Variants in ZRANB3 observed in about 807,000 individuals in gnomAD.
ZRANB3 encodes the protein zinc finger RANBP2-type containing 3.
In ZRANB3, 125 loss-of-function variants were observed where a neutral mutation model predicts 133.8. That is an observed-to-expected ratio of 0.93 (90% CI 0.81 to 1.08). The LOEUF is 1.08. ZRANB3 is among the 50% of genes least tolerant of loss of function. ZRANB3 has a pLI of 0.00. For missense variants in ZRANB3, 1,229 were observed against 1,275.5 expected (o/e 0.96, Z 0.56); for synonymous variants, 387 against 432.7 (o/e 0.89, Z 1.31).
chr2:135,369,943 C>T (rs868631963), intron 3 of ZRANB3, among the ~76,000 whole-genome samples: 1 of 151,974 alleles, frequency 6.6e-6, no homozygotes, highest in Non-Finnish European at 1.5e-5. Context: ...AACTTCACTT[C>T]CAATATTTCC....
intron 1 of ZRANB3, among the ~76,000 whole-genome samples, chr2:135,525,616 G>A (rs1010662140): frequency 2.0e-5 from 3 of 152,220 alleles, no homozygotes; most frequent in African/African-American, 7.2e-5. Context: ...GGGAGGCTGA[G>A]GCGGGCGGAT....
intron 2 of ZRANB3, among the ~76,000 whole-genome samples, chr2:135,470,146 G>A (rs1012859060): frequency 1.5e-4 from 22 of 142,280 alleles, no homozygotes; most frequent in South Asian, 2.6e-4. Context: ...CAAACATGGC[G>A]AAACCCCATC....
At chr2:135,455,363 T>C (rs1395631853) in intron 2 of ZRANB3, among the ~76,000 whole-genome samples, 2 of 151,404 alleles carry the variant, frequency 1.3e-5, no homozygotes, top group East Asian at 3.9e-4. Context: ...TAATTTTGTA[T>C]TTTTACTAGA....
intron 2 of ZRANB3, among the ~76,000 whole-genome samples, chr2:135,437,689 A>G (rs1336102295): frequency 6.6e-6 from 1 of 152,222 alleles, no homozygotes; most frequent in African/African-American, 2.4e-5. Flanking sequence ...TTTTTCATAC[A>G]AAATAACCAC....
chr2:135,274,934 G>A (rs1392983538), intron 9 of ZRANB3, among the ~76,000 whole-genome samples: 1 of 152,168 alleles, frequency 6.6e-6, no homozygotes, highest in Non-Finnish European at 1.5e-5. Flanking sequence ...GAGAGCACGG[G>A]GTTGGGGGTA....
intron 6 of ZRANB3, among the ~76,000 whole-genome samples, chr2:135,323,911 G>A (rs1481733054): frequency 6.6e-6 from 1 of 151,892 alleles, no homozygotes; most frequent in Non-Finnish European, 1.5e-5. Context: ...GAGATTACAG[G>A]CATGCAACAG....
At chr2:135,509,703 G>A (rs1693354757) in intron 1 of ZRANB3, among the ~76,000 whole-genome samples, 1 of 152,026 alleles carries the variant, frequency 6.6e-6, no homozygotes, top group Non-Finnish European at 1.5e-5. Context: ...TTCAAGAAAA[G>A]CCCATCCAGT....
intron 2 of ZRANB3, among the ~76,000 whole-genome samples, chr2:135,479,965 GCT>G (rs1163202682): frequency 4.7e-5 from 7 of 150,098 alleles, no homozygotes; most frequent in Admixed American, 3.3e-4. Context: ...TGAGACGGAT[GCT>G]CTGTCACCCA....
chr2:135,291,903 T>C (rs995009632), intron 8 of ZRANB3, among the ~76,000 whole-genome samples: 3 of 152,184 alleles, frequency 2.0e-5, no homozygotes, highest in Non-Finnish European at 4.4e-5. Flanking sequence ...GCTTCATCCA[T>C]GTCCCTACAA....
intron 6 of ZRANB3, among the ~76,000 whole-genome samples, chr2:135,330,038 C>A (rs1245895685): frequency 6.6e-6 from 1 of 152,122 alleles, no homozygotes; most frequent in African/African-American, 2.4e-5. Context: ...TAACTGAATA[C>A]CCTTTATTTC....
intron 12 of ZRANB3, among the ~76,000 whole-genome samples, chr2:135,265,298 T>C (rs1680177003): frequency 6.6e-6 from 1 of 152,186 alleles, no homozygotes; most frequent in Non-Finnish European, 1.5e-5. Context: ...TAGCCTCCTA[T>C]ATTTTCTTTT....
chr2:135,300,213 C>G (rs1682362007), intron 8 of ZRANB3, among the ~76,000 whole-genome samples: 1 of 152,074 alleles, frequency 6.6e-6, no homozygotes, highest in Admixed American at 6.6e-5. Context: ...AAACTAAACA[C>G]CACAAATAAT....
Position 135,272,414 on chromosome 2 carries a change from CT to C in ZRANB3, c.1087-528del, listed in dbSNP as rs112209442. Reference sequence around the variant, plus strand: ...CCAAATATTAACTGGGAAAATAGAGCTTTTTTTTTTTTTTTTTTGTGACGGA... The same window carrying C: ...CCAAATATTAACTGGGAAAATAGAGCTTTTTTTTTTTTTTTTTGTGACGGA... On this transcript the variant is annotated intron_variant, in intron 9 of 20. Transcript: ENST00000264159. Among the ~76,000 whole-genome samples, 429 of 107,730 alleles carry C rather than the reference CT, an allele frequency of 4.0e-3. 12 individuals are homozygous for C. The highest frequency in any genetic ancestry group is 0.011 in the East Asian group (38 of 3,560). 70.7% of individuals were successfully genotyped at this position (107,730 alleles called of 152,430 possible). A position where few individuals can be genotyped will look rare whatever the true frequency, so the allele number is the denominator to read the frequency against.
intron 2 of ZRANB3, among the ~76,000 whole-genome samples, chr2:135,445,970 T>C (rs902591826): frequency 3.3e-5 from 5 of 150,520 alleles, no homozygotes; most frequent in African/African-American, 1.2e-4. Context: ...TTTGGGAGGC[T>C]GAGGCGGGTG....
chr2:135,230,614 GGGGTGGTT>G lies in ZRANB3; in HGVS notation c.1845_1852del (p.Leu615PhefsTer11), dbSNP rs1340271482. ...TTGCCAGCCCTCTACAGGAAAGGCT[GGGGTGGTT>G]AACTGGGCCTTGGCCTCCTGTACAC... On this transcript the variant is annotated frameshift_variant, in exon 13 of 21. Transcript: ENST00000264159. LOFTEE classifies it high-confidence loss of function. The G allele has an allele frequency of 3.1e-6, 5 of 1,613,062 alleles. No individual in the cohort carries two copies. In the African/African-American group the frequency reaches 5.3e-5, roughly 17 times the overall value.
chr2:135,332,828 TTC>T (rs937783731), intron 6 of ZRANB3, among the ~76,000 whole-genome samples: 5 of 152,234 alleles, frequency 3.3e-5, no homozygotes, highest in African/African-American at 1.2e-4. Context: ...ATTATATTTT[TTC>T]TGTCTTCACA....
At chr2:135,409,283 C>A (rs757925502) in intron 2 of ZRANB3, among the ~76,000 whole-genome samples, 3 of 152,110 alleles carry the variant, frequency 2.0e-5, no homozygotes, top group Admixed American at 2.0e-4. Context: ...CAAACATCTC[C>A]CACCAGGCCT....
At chr2:135,373,600 C>T (rs1573993794) in intron 3 of ZRANB3, among the ~76,000 whole-genome samples, 1 of 151,846 alleles carries the variant, frequency 6.6e-6, no homozygotes, top group African/African-American at 2.4e-5. Flanking sequence ...CAAGCCTGGC[C>T]AACATGGCAA....
chr2:135,350,166 C>A lies in ZRANB3; in HGVS notation c.409G>T (p.Ala137Ser). 1.2e-6 allele frequency: 2 copies of A among 1,609,994 alleles called. No homozygotes were observed. Among genetic ancestry groups the A allele is most frequent in the Non-Finnish European group, 8.5e-7 (1 of 1,178,004 alleles). ...GCATCTATCAAAGTCTTTGCATCTGCGGTTAAGAGACCATAACCCAGAACT... is the reference window on the plus strand; with the variant it reads ...GCATCTATCAAAGTCTTTGCATCTGAGGTTAAGAGACCATAACCCAGAACT... ...VTVLGYGLLTADAKTLIDALN... is the reference protein window; with the variant it reads ...VTVLGYGLLTSDAKTLIDALN... The change falls in exon 5 of 21, where the codon GCA (alanine) becomes TCA (serine). Residue 137 changes from alanine to serine, a missense_variant. Coordinates refer to ENST00000264159, the MANE Select transcript of ZRANB3 (RefSeq NM_032143.4).
Sources: allele counts gnomAD v4.1 joint callset (sites outside exome capture counted in the v4.1 genomes callset), GRCh38; gene constraint gnomAD v4.1.1; transcripts MANE v1.5; gene names NCBI Gene and HGNC (gene_info 2026-07-23, HGNC 2026-07-21).